AGBL1: variants seen among roughly 807,000 people sequenced by gnomAD.
AGBL1 encodes cytosolic carboxypeptidase 4.
Under a neutral mutation model 118.9 loss-of-function variants are expected in AGBL1, and 130 were observed. The ratio of observed to expected loss-of-function variants is 1.09; its 90% confidence interval spans 0.95 to 1.26. The LOEUF (loss-of-function observed/expected upper bound fraction) is 1.26, where lower values mean the gene tolerates loss of function less well. Among genes scored for constraint, AGBL1 ranks in the 50% most tolerant of loss-of-function variants. AGBL1 has a pLI of 0.00. For synonymous variants in AGBL1, 555 were observed against 478.9 expected (o/e 1.16, Z -2.08); for missense variants, 1,584 against 1,298.1 (o/e 1.22, Z -3.38).
At chr15:86,496,181 A>G (rs1014365049) in intron 18 of AGBL1, among the ~76,000 whole-genome samples, 2 of 151,962 alleles carry the variant, frequency 1.3e-5, no homozygotes, top group African/African-American at 4.8e-5. Context: ...ATGAGTTTTC[A>G]CAATATCTGA....
At chr15:86,822,794 C>G (rs369252142) in intron 22 of AGBL1, among the ~76,000 whole-genome samples, 1 of 152,048 alleles carries the variant, frequency 6.6e-6, no homozygotes, top group East Asian at 1.9e-4. Context: ...ACCCCTCAGA[C>G]CTAGCTAAAC....
At chr15:86,813,729 A>G (rs1248853124) in intron 22 of AGBL1, among the ~76,000 whole-genome samples, 1 of 152,198 alleles carries the variant, frequency 6.6e-6, no homozygotes, top group Non-Finnish European at 1.5e-5. Flanking sequence ...CAATCCAGAG[A>G]GAGGGTTTGT....
intron 19 of AGBL1, among the ~76,000 whole-genome samples, chr15:86,536,823 C>T (rs915155165): frequency 2.0e-5 from 3 of 152,154 alleles, no homozygotes; most frequent in Non-Finnish European, 2.9e-5. Flanking sequence ...GCAAGAAATA[C>T]ATAGAGATGG....
At chr15:87,013,561 G>T (rs2081582654) in intron 24 of AGBL1, among the ~76,000 whole-genome samples, 1 of 151,142 alleles carries the variant, frequency 6.6e-6, no homozygotes, top group Admixed American at 6.6e-5. Context: ...GACTCCTAAA[G>T]ATTTATTTTG....
intron 16 of AGBL1, among the ~76,000 whole-genome samples, chr15:86,284,619 T>C (rs1201141409): frequency 6.6e-6 from 1 of 152,132 alleles, no homozygotes; most frequent in Non-Finnish European, 1.5e-5. Context: ...AGTAGACAAA[T>C]AAAGTAGGCC....
chr15:86,837,346 C>T (rs1025181936), intron 22 of AGBL1, among the ~76,000 whole-genome samples: 4 of 151,986 alleles, frequency 2.6e-5, no homozygotes, highest in African/African-American at 9.7e-5. Context: ...TGTTTATTTG[C>T]CTTACAAATT....
At chr15:86,218,605 G>T (rs1356851232) in intron 5 of AGBL1, among the ~76,000 whole-genome samples, 2 of 152,168 alleles carry the variant, frequency 1.3e-5, no homozygotes, top group Non-Finnish European at 2.9e-5. Context: ...TTACATAATT[G>T]TGTTATAAGA....
intron 6 of AGBL1, among the ~76,000 whole-genome samples, chr15:86,227,830 G>C (rs2078391490): frequency 6.6e-6 from 1 of 152,226 alleles, no homozygotes; most frequent in African/African-American, 2.4e-5. Flanking sequence ...AAGTACTTTG[G>C]AGGGAAACAG....
intron 22 of AGBL1, among the ~76,000 whole-genome samples, chr15:86,722,728 G>C (rs1302664141): frequency 1.3e-5 from 2 of 152,138 alleles, no homozygotes; most frequent in Non-Finnish European, 2.9e-5. Context: ...GCAACCTGCA[G>C]AATGGGAGAA....
intron 22 of AGBL1, among the ~76,000 whole-genome samples, chr15:86,785,374 TTTTTG>T (rs1160968852): frequency 3.7e-4 from 52 of 139,864 alleles, no homozygotes; most frequent in African/African-American, 1.3e-3. Context: ...TTTTTTTTTT[TTTTTG>T]TTTTTGTTTT....
intron 3 of AGBL1, among the ~76,000 whole-genome samples, chr15:86,151,046 C>T (rs1417602757): frequency 2.6e-5 from 4 of 151,682 alleles, no homozygotes; most frequent in African/African-American, 7.3e-5. Context: ...AGTAAACTAT[C>T]GCAAGAACAA....
intron 22 of AGBL1, among the ~76,000 whole-genome samples, chr15:86,776,415 C>T (rs951798626): frequency 6.6e-6 from 1 of 152,052 alleles, no homozygotes; most frequent in Non-Finnish European, 1.5e-5. Flanking sequence ...AGGTTGAGCT[C>T]AACCCCTCAT....
chr15:86,319,632 T>C (rs2080072058), intron 17 of AGBL1, among the ~76,000 whole-genome samples: 1 of 152,144 alleles, frequency 6.6e-6, no homozygotes, highest in Admixed American at 6.6e-5. Context: ...ATTTGTGTTT[T>C]ATTTGCCCAT....
At position 86,636,730 on chromosome 15, in the gene AGBL1, T is replaced by C. The variant is rs1212714195; in HGVS notation, c.2995-37543T>C. Among the ~76,000 whole-genome samples, 46 of 48,188 alleles carry C rather than the reference T, an allele frequency of 9.5e-4. 2 individuals are homozygous for C. The highest frequency in any genetic ancestry group is 2.1e-3 in the South Asian group (2 of 954). 31.6% of individuals were successfully genotyped at this position (48,188 alleles called of 152,430 possible). On this transcript the variant is annotated intron_variant, in intron 21 of 22. Coordinates refer to ENST00000614907, the MANE Select transcript of AGBL1 (RefSeq NM_001386094.1). ...ATATATATATATATATATATATATA[T>C]ATATATATATATATATATATATATA... is the stretch of plus-strand genomic sequence containing the variant.
At chr15:86,806,081 A>G (rs1567182530) in intron 22 of AGBL1, among the ~76,000 whole-genome samples, 1 of 152,082 alleles carries the variant, frequency 6.6e-6, no homozygotes, top group Admixed American at 6.6e-5. Flanking sequence ...CTTGCTGGGG[A>G]TTGGAGACTG....
chr15:86,265,759 G>A (rs955464478), intron 11 of AGBL1, among the ~76,000 whole-genome samples: 2 of 152,138 alleles, frequency 1.3e-5, no homozygotes, highest in Admixed American at 6.6e-5. Flanking sequence ...CAGGCCTCAT[G>A]TCCACCTTTT....
intron 22 of AGBL1, among the ~76,000 whole-genome samples, chr15:86,839,654 G>C (rs2079218048): frequency 1.3e-5 from 2 of 152,104 alleles, no homozygotes; most frequent in South Asian, 4.2e-4. Flanking sequence ...TCCCTTAGCA[G>C]ATATGACAAC....
intron 22 of AGBL1, among the ~76,000 whole-genome samples, chr15:86,766,983 G>A (rs1395494051): frequency 2.0e-5 from 3 of 151,840 alleles, no homozygotes. Context: ...GGGTAATTTA[G>A]TAAAATATTA....
chr15:86,642,322 A>C (rs1475532297), intron 21 of AGBL1, among the ~76,000 whole-genome samples: 1 of 152,214 alleles, frequency 6.6e-6, no homozygotes, highest in African/African-American at 2.4e-5. Flanking sequence ...ATTGTCATGC[A>C]TCTCATTCCC....
Sources: allele counts gnomAD v4.1 joint callset (sites outside exome capture counted in the v4.1 genomes callset), GRCh38; gene constraint gnomAD v4.1.1; transcripts MANE v1.5; gene names NCBI Gene and HGNC (gene_info 2026-07-23, HGNC 2026-07-21).